PCED1B: variants seen among roughly 807,000 people sequenced by gnomAD.
PCED1B encodes the protein PC-esterase domain-containing protein 1B.
For missense variants in PCED1B, 573 were observed against 573.9 expected (o/e 1.00, Z 0.02); for synonymous variants, 251 against 246.1 (o/e 1.02, Z -0.19).
chr12:47,210,529 G>A lies in PCED1B; in HGVS notation c.-525-5693G>A, dbSNP rs577617926. ...GCCTGTAATCCCAGCACTCTGAGAG[G>A]CTGAAGCAGGTAGATCACCTGAGGT... is the stretch of plus-strand genomic sequence containing the variant. On this transcript the variant is annotated intron_variant, in intron 2 of 3. Coordinates refer to ENST00000546455, the MANE Select transcript of PCED1B (RefSeq NM_138371.3). 4 of 152,284 alleles carry A rather than the reference G, an allele frequency of 2.6e-5. No individual in the cohort carries two copies. In the East Asian group the frequency reaches 5.8e-4, roughly 22 times the overall value. 9.4% of individuals were successfully genotyped at this position (152,284 alleles called of 1,614,324 possible).
chr12:47,231,158 G>A (rs112360398), intron 3 of PCED1B, among the ~76,000 whole-genome samples: 1 of 152,106 alleles, frequency 6.6e-6, no homozygotes, highest in Non-Finnish European at 1.5e-5. Context: ...TGGGATCTTC[G>A]GGTGGGCTTG....
chr12:47,119,580 A>G (rs1404081407), intron 2 of PCED1B, among the ~76,000 whole-genome samples: 2 of 152,160 alleles, frequency 1.3e-5, no homozygotes, highest in East Asian at 3.9e-4. Flanking sequence ...GCTTCAAAAA[A>G]CACTATCAGG....
intron 2 of PCED1B, among the ~76,000 whole-genome samples, chr12:47,169,998 C>T (rs1411570142): frequency 6.8e-6 from 1 of 147,398 alleles, no homozygotes; most frequent in Non-Finnish European, 1.5e-5. Flanking sequence ...AGCAGATAAA[C>T]ACGTGAACAA....
chr12:47,150,755 C>A (rs1940961387), intron 2 of PCED1B, among the ~76,000 whole-genome samples: 1 of 151,806 alleles, frequency 6.6e-6, no homozygotes, highest in Admixed American at 6.6e-5. Flanking sequence ...GCTTATGGAG[C>A]AGCAAGGAGG....
rs150311352 is a variant in PCED1B at position 47,119,443 on chromosome 12, A to G, written c.-526+15248A>G. 2.4e-3 allele frequency among the ~76,000 whole-genome samples: 363 copies of G among 152,216 alleles called. 1 individual carries two copies. Among genetic ancestry groups the G allele is most frequent in the African/African-American group, 7.6e-3 (316 of 41,566 alleles). ...CATGGTGGCTCACACCTATAATCCC[A>G]AAGTATTGGGATTATAGGGAGATGA... On this transcript the variant is annotated intron_variant, in intron 2 of 3. Coordinates refer to ENST00000546455, the MANE Select transcript of PCED1B (RefSeq NM_138371.3).
intron 2 of PCED1B, among the ~76,000 whole-genome samples, chr12:47,201,262 G>A (rs1592275387): frequency 6.6e-6 from 1 of 152,316 alleles, no homozygotes; most frequent in East Asian, 1.9e-4. Flanking sequence ...CTATTACAAG[G>A]TGATAGACTC....
At chr12:47,132,035 A>T (rs10785658) in intron 2 of PCED1B, among the ~76,000 whole-genome samples, 110,135 of 152,074 alleles carry the variant, frequency 0.72, 40,191 homozygotes, top group African/African-American at 0.81. Flanking sequence ...AAGGCAGATG[A>T]CCTGGCCAGT....
chr12:47,145,215 A>G (rs1940740090), intron 2 of PCED1B, among the ~76,000 whole-genome samples: 2 of 152,226 alleles, frequency 1.3e-5, no homozygotes, highest in Admixed American at 6.5e-5. Context: ...ACAAGACCCT[A>G]AATTTCTTTA....
chr12:47,179,803 C>T (rs925796777), intron 2 of PCED1B, among the ~76,000 whole-genome samples: 1 of 152,042 alleles, frequency 6.6e-6, no homozygotes, highest in Non-Finnish European at 1.5e-5. Context: ...CAAAACAGAC[C>T]ATAATCTCTT....
intron 2 of PCED1B, among the ~76,000 whole-genome samples, chr12:47,114,384 T>C (rs964146426): frequency 6.6e-6 from 1 of 152,174 alleles, no homozygotes; most frequent in Non-Finnish European, 1.5e-5. Flanking sequence ...GCAGAAATAT[T>C]TGAAGTCTGG....
At chr12:47,233,221 A>T (rs774602514) in intron 3 of PCED1B, among the ~76,000 whole-genome samples, 3 of 151,372 alleles carry the variant, frequency 2.0e-5, no homozygotes, top group Non-Finnish European at 4.4e-5. Context: ...TTTTGGCACG[A>T]TCTTGGCTCA....
chr12:47,222,496 C>T (rs796789218), intron 3 of PCED1B, among the ~76,000 whole-genome samples: 51 of 151,798 alleles, frequency 3.4e-4, no homozygotes, highest in African/African-American at 1.2e-3. Context: ...TTTCCTACCT[C>T]CTACCCCTCC....
At chr12:47,146,061 T>C (rs1409142417) in intron 2 of PCED1B, among the ~76,000 whole-genome samples, 3 of 152,184 alleles carry the variant, frequency 2.0e-5, no homozygotes, top group African/African-American at 7.2e-5. Context: ...GAAGTCAAAA[T>C]ATCAACATTA....
At chr12:47,218,228 G>A (rs1416669934) in intron 3 of PCED1B, among the ~76,000 whole-genome samples, 1 of 152,206 alleles carries the variant, frequency 6.6e-6, no homozygotes, top group African/African-American at 2.4e-5. Context: ...CCCTAGGTCC[G>A]TTGTTGGCAC....
chr12:47,189,147 T>C (rs76781359), intron 2 of PCED1B, among the ~76,000 whole-genome samples: 1,798 of 152,328 alleles, frequency 0.012, 17 homozygotes, highest in Non-Finnish European at 0.02. Flanking sequence ...TTATTGCTTG[T>C]TTCATTGGTT....
At chr12:47,221,368 G>T (rs1042772662) in intron 3 of PCED1B, among the ~76,000 whole-genome samples, 4 of 137,874 alleles carry the variant, frequency 2.9e-5, no homozygotes, top group Non-Finnish European at 6.1e-5. Context: ...TTTTAAGAAA[G>T]GGATATCACC....
At chr12:47,163,331 A>G (rs1330106563) in intron 2 of PCED1B, among the ~76,000 whole-genome samples, 6 of 152,240 alleles carry the variant, frequency 3.9e-5, no homozygotes, top group Non-Finnish European at 7.3e-5. Flanking sequence ...AGGGTTTTCA[A>G]CATATAAGAT....
In PCED1B at chr12:47,126,163, T is replaced by A. The variant is rs1052114359; in HGVS notation, c.-526+21968T>A. ...AGGCTTTTCTGTAAAGAAAAAAAAT[T>A]TTTTTTCAGGTTGAGGACTTTCCCG... On this transcript the variant is annotated intron_variant, in intron 2 of 3. Transcript: ENST00000546455. 5.9e-5 allele frequency among the ~76,000 whole-genome samples: 9 copies of A among 152,098 alleles called. No individual in the cohort carries two copies. In the East Asian group the frequency reaches 9.6e-4, roughly 16 times the overall value.
chr12:47,195,348 A>C (rs1412360972), intron 2 of PCED1B, among the ~76,000 whole-genome samples: 1 of 152,048 alleles, frequency 6.6e-6, no homozygotes, highest in Non-Finnish European at 1.5e-5. Context: ...AAAAGAAAAA[A>C]AGAAATATTT....
Sources: gnomAD v4.1 joint callset for allele counts (sites outside exome capture counted in the v4.1 genomes callset) on GRCh38, gnomAD v4.1.1 for gene constraint, MANE v1.5 for transcripts, NCBI Gene and HGNC (gene_info 2026-07-23, HGNC 2026-07-21) for gene names.